Variants in SHTN1 observed in about 807,000 individuals in gnomAD.
The protein encoded by SHTN1 is shootin-1.
Under a neutral mutation model 83.1 loss-of-function variants are expected in SHTN1, and 42 were observed. The ratio of observed to expected loss-of-function variants is 0.51; its 90% CI spans 0.39 to 0.65. SHTN1 has a LOEUF of 0.65. Ranked by LOEUF, SHTN1 falls within the 30% of genes least tolerant of loss-of-function variation. SHTN1 has a pLI of 0.00. For synonymous variants in SHTN1, 224 were observed against 247.7 expected, an observed-to-expected ratio of 0.90 and a Z score of 0.90; for missense variants, 622 against 737.8, an observed-to-expected ratio of 0.84 and a Z score of 1.82.
intron 2 of SHTN1, chr10:116,973,759 C>A (rs1850698444): frequency 1.4e-6 from 1 of 716,912 alleles, no homozygotes; most frequent in East Asian, 6.8e-5. Flanking sequence ...AAGTTTAATG[C>A]TACACCATTT....
At chr10:116,905,465 C>T (rs1252331091) in intron 15 of SHTN1, among the ~76,000 whole-genome samples, 1 of 152,068 alleles carries the variant, frequency 6.6e-6, no homozygotes, top group East Asian at 1.9e-4. Flanking sequence ...AACTTCCAAA[C>T]CAACCTAAAA....
intron 1 of SHTN1, among the ~76,000 whole-genome samples, chr10:117,064,770 C>A (rs986204087): frequency 3.9e-5 from 6 of 152,108 alleles, no homozygotes; most frequent in African/African-American, 1.4e-4. Flanking sequence ...CTGTGGTGTT[C>A]AGAAGAAAGC....
chr10:117,089,341 T>C (rs1853396147), intron 1 of SHTN1, among the ~76,000 whole-genome samples: 1 of 152,052 alleles, frequency 6.6e-6, no homozygotes, highest in Non-Finnish European at 1.5e-5. Flanking sequence ...TAATTTAGAG[T>C]CTAGAAGTGG....
intron 6 of SHTN1, among the ~76,000 whole-genome samples, chr10:116,951,528 T>C (rs1849777989): frequency 6.6e-6 from 1 of 152,218 alleles, no homozygotes; most frequent in Admixed American, 6.5e-5. Context: ...AGAGGGACAG[T>C]CCTTCCCAAT....
chr10:117,013,505 C>A (rs1385701834), intron 2 of SHTN1, among the ~76,000 whole-genome samples: 1 of 152,062 alleles, frequency 6.6e-6, no homozygotes, highest in African/African-American at 2.4e-5. Context: ...AAAATAAGCA[C>A]ATGAAAAGAT....
rs1038551927 is a variant in SHTN1, at chr10:116,982,586, A to G, written c.59-3278T>C. Among the ~76,000 whole-genome samples the G allele has an allele frequency of 7.9e-5, 12 of 152,288 alleles. No homozygotes were observed. In the East Asian group the frequency reaches 1.7e-3, roughly 22 times the overall value. ...TTCAGAACTGGCTTGCAGTCTGAAA[A>G]TTTTAAAAACTGAGCTTGCACAGCT... On this transcript the variant is annotated intron_variant, in intron 1 of 16. Transcript: ENST00000355371.
At chr10:117,031,937 T>C (rs772282463) in intron 2 of SHTN1, among the ~76,000 whole-genome samples, 2 of 151,816 alleles carry the variant, frequency 1.3e-5, no homozygotes, top group Non-Finnish European at 2.9e-5. Flanking sequence ...TGGACTAAAC[T>C]CCAATCAAAA....
chr10:116,951,232 G>A (rs1849764832), intron 6 of SHTN1, among the ~76,000 whole-genome samples: 1 of 152,146 alleles, frequency 6.6e-6, no homozygotes, highest in Non-Finnish European at 1.5e-5. Flanking sequence ...AGGTAAGCCT[G>A]GGAAATACAG....
At chr10:117,011,937 G>A (rs1852112176) in intron 2 of SHTN1, among the ~76,000 whole-genome samples, 2 of 152,010 alleles carry the variant, frequency 1.3e-5, no homozygotes, top group African/African-American at 2.4e-5. Context: ...TCAGGAGATC[G>A]AGACAATCCT....
intron 1 of SHTN1, among the ~76,000 whole-genome samples, chr10:116,982,895 GGAGGTTGCAGTGAGCC>G (rs1851078151): frequency 6.6e-6 from 1 of 151,626 alleles, no homozygotes. Flanking sequence ...CCCAGGAGGC[GGAGGTTGCAGTGAGCC>G]GAGATCATAC....
chr10:117,027,587 C>T (rs552837610), intron 2 of SHTN1, among the ~76,000 whole-genome samples: 18 of 152,058 alleles, frequency 1.2e-4, no homozygotes, highest in Non-Finnish European at 2.1e-4. Context: ...CAAGCTCTGC[C>T]TCCCAGGTTC....
intron 12 of SHTN1, among the ~76,000 whole-genome samples, chr10:116,920,035 G>A (rs972792956): frequency 6.6e-6 from 1 of 152,080 alleles, no homozygotes; most frequent in Non-Finnish European, 1.5e-5. Flanking sequence ...GGAGAGAGGT[G>A]GAAATAACTC....
intron 16 of SHTN1, among the ~76,000 whole-genome samples, chr10:116,889,634 G>C (rs865820924): frequency 6.6e-6 from 1 of 152,202 alleles, no homozygotes; most frequent in African/African-American, 2.4e-5. Context: ...ATCAGTGGCA[G>C]AGTCAGAACA....
At chr10:116,911,672 T>G (rs1848204204) in intron 14 of SHTN1, 118 bp downstream of exon 14, 1 of 1,574,648 alleles carries the variant, frequency 6.4e-7, no homozygotes, top group Admixed American at 1.8e-5. Flanking sequence ...TGGCCAAAGA[T>G]GAGGCTAATT....
intron 2 of SHTN1, among the ~76,000 whole-genome samples, chr10:117,027,731 C>A (rs1458165222): frequency 4.6e-5 from 7 of 152,178 alleles, no homozygotes; most frequent in Non-Finnish European, 1.5e-5. Flanking sequence ...ATCTCCTGAC[C>A]TTGTGATCCG....
chr10:116,908,686 G>A (rs192157427), intron 14 of SHTN1, among the ~76,000 whole-genome samples: 42 of 152,182 alleles, frequency 2.8e-4, no homozygotes, highest in Middle Eastern at 3.4e-3. Context: ...GTGTGTGTTC[G>A]TACATACATA....
intron 1 of SHTN1, among the ~76,000 whole-genome samples, chr10:117,120,465 G>A (rs1298362951): frequency 1.3e-5 from 2 of 152,084 alleles, no homozygotes; most frequent in African/African-American, 2.4e-5. Flanking sequence ...GGCCAGGCCG[G>A]TCTCAAACTC....
intron 1 of SHTN1, among the ~76,000 whole-genome samples, chr10:117,064,975 T>C (rs1414716339): frequency 6.6e-6 from 1 of 152,218 alleles, no homozygotes; most frequent in African/African-American, 2.4e-5. Flanking sequence ...TGCTTCTTTT[T>C]GGTTCTGCTG....
At chr10:117,091,358 C>T (rs576425626) in intron 1 of SHTN1, among the ~76,000 whole-genome samples, 1 of 152,146 alleles carries the variant, frequency 6.6e-6, no homozygotes, top group Non-Finnish European at 1.5e-5. Flanking sequence ...GAGACACAGG[C>T]TAAATAGCAT....
Sources: allele counts gnomAD v4.1 joint callset (sites outside exome capture counted in the v4.1 genomes callset), GRCh38; gene constraint gnomAD v4.1.1; transcripts MANE v1.5; gene names NCBI Gene and HGNC (gene_info 2026-07-23, HGNC 2026-07-21).